METTL21C: variants seen among roughly 807,000 people sequenced by gnomAD.
METTL21C encodes methyltransferase 21C, AARS1 lysine.
METTL21C carries 21 observed loss-of-function variants against 25.9 expected under a neutral mutation model. The ratio of observed to expected loss-of-function variants is 0.81; its 90% CI spans 0.58 to 1.17. The LOEUF (loss-of-function observed/expected upper bound fraction) is 1.17. METTL21C is among the 50% of genes most tolerant of loss of function. The probability of loss-of-function intolerance (pLI) is 0.00; values close to 1 mark genes in which losing one functional copy is unlikely to be tolerated. For missense variants in METTL21C, 312 were observed against 315.1 expected (o/e 0.99, Z 0.07); for synonymous variants, 125 against 124.7 (o/e 1.00, Z -0.01).
rs145461880 is a variant in METTL21C, at chr13:102,686,326, A to G, written c.500T>C (p.Val167Ala). Residue 167 changes from valine to alanine, a missense_variant, in exon 4 of 4, where the codon GTG (valine) becomes GCG (alanine). Val to Ala is a moderately conservative substitution (Grantham distance 64). Coordinates refer to ENST00000267273, the MANE Select transcript of METTL21C (RefSeq NM_001010977.3). The part of the protein sequence containing the change: ...TLQCTAHLPE[V>A]KELVWGEDLD... ...GTCTTCCCCCCATACCAGTTCTTTC[A>G]CTTCAGGCAGATGTGCTGTACATTG... 58 of 1,614,182 alleles carry G rather than the reference A, an allele frequency of 3.6e-5. No homozygotes were observed. The African/African-American group carries it at 6.9e-4, about 19-fold the overall frequency.
At chr13:102,702,232 AAGAG>A in the METTL21C span, among the ~76,000 whole-genome samples, 10 of 149,344 alleles carry the variant, frequency 6.7e-5, no homozygotes, top group Admixed American at 2.6e-4. Flanking sequence ...GAGAGACAGA[AAGAG>A]AGAGAGAGAC....
chr13:102,691,046 G>A, intron 1 of METTL21C, 82 bp from the exon 2 acceptor site: 2 of 1,459,564 alleles, frequency 1.4e-6, no homozygotes, highest in Non-Finnish European at 1.9e-6. Flanking sequence ...TGCTAAGATG[G>A]CATTAGATTG....
At chr13:102,698,689 C>T (rs1479029182), upstream of METTL21C, among the ~76,000 whole-genome samples, 1 of 152,064 alleles carries the variant, frequency 6.6e-6, no homozygotes, top group Non-Finnish European at 1.5e-5. Context: ...CTTTAAAACC[C>T]CAACTCAGAA....
intron 2 of METTL21C, among the ~76,000 whole-genome samples, chr13:102,688,031 A>T (rs114586830): frequency 6.6e-6 from 1 of 152,228 alleles, no homozygotes; most frequent in African/African-American, 2.4e-5. Context: ...ACAAAAAGTT[A>T]CTTAAATTTG....
chr13:102,693,372 C>T lies in METTL21C; in HGVS notation c.130+997G>A, dbSNP rs148753060. Reference sequence around the variant, plus strand: ...AAATTCAGGTGCCAGTACAAGCCGTCGCCAGCACACCACTGGGTGGTGGCT... The same window carrying T: ...AAATTCAGGTGCCAGTACAAGCCGTTGCCAGCACACCACTGGGTGGTGGCT... On this transcript the variant is annotated intron_variant, in intron 1 of 3. Coordinates refer to ENST00000267273, the MANE Select transcript of METTL21C (RefSeq NM_001010977.3). Among the ~76,000 whole-genome samples the T allele has an allele frequency of 2.1e-3, 317 of 152,294 alleles. 4 individuals are homozygous for T. Among genetic ancestry groups the T allele is most frequent in the Middle Eastern group, 0.014 (4 of 294 alleles).
chr13:102,687,064 A>C lies in METTL21C; in HGVS notation c.283-7T>G, dbSNP rs892064651. On this transcript the variant is annotated splice_polypyrimidine_tract_variant and splice_region_variant and intron_variant, in intron 2 of 3. Coordinates refer to ENST00000267273, the MANE Select transcript of METTL21C (RefSeq NM_001010977.3). The stretch of plus-strand genomic sequence containing the variant: ...ATTGACACAAAGCCATAGCCTAAAA[A>C]ATAATTATAACTTTTCATGTGGGCA... 5.0e-6 allele frequency: 8 copies of C among 1,606,188 alleles called. No homozygotes were observed. Among genetic ancestry groups the C allele is most frequent in the Non-Finnish European group, 6.0e-6 (7 of 1,172,972 alleles).
At chr13:102,688,151 C>T (rs1481111972) in intron 2 of METTL21C, among the ~76,000 whole-genome samples, 2 of 152,252 alleles carry the variant, frequency 1.3e-5, no homozygotes, top group Non-Finnish European at 1.5e-5. Flanking sequence ...CCCCATCTTC[C>T]TCTGGACTCT....
At chr13:102,701,607 TTGTG>T in the METTL21C span, among the ~76,000 whole-genome samples, 4 of 150,410 alleles carry the variant, frequency 2.7e-5, no homozygotes, top group East Asian at 3.9e-4. Context: ...TCTAGCCTGA[TTGTG>T]TGTGTGTGTG....
At chr13:102,690,154 T>C (rs1283140612) in intron 2 of METTL21C, among the ~76,000 whole-genome samples, 16 of 152,102 alleles carry the variant, frequency 1.1e-4, no homozygotes, top group Non-Finnish European at 1.6e-4. Context: ...GGCGTGGTGG[T>C]TCACGCTTGT....
chr13:102,697,390 T>G (rs372059973), upstream of METTL21C, among the ~76,000 whole-genome samples: 2 of 152,068 alleles, frequency 1.3e-5, no homozygotes, highest in Admixed American at 6.5e-5. Context: ...CGGAGGATGC[T>G]GCAAAACCTC....
chr13:102,694,396 T>C lies in METTL21C; in HGVS notation c.103A>G (p.Lys35Glu), dbSNP rs751196028. 6.6e-7 allele frequency: 1 copy of C among 1,518,876 alleles called. No individual in the cohort carries two copies. The highest frequency in any genetic ancestry group is 8.8e-7 in the Non-Finnish European group (1 of 1,140,320). The allele number at this position is 1,518,876 out of a possible 1,614,324, so 94.1% of individuals were successfully genotyped here. ...TCTAGGACTCCCCCGGTGCTGTCTTTCTGCGGAGCCCCCTTCTTCTCAGCC... is the reference window on the plus strand; with the variant it reads ...TCTAGGACTCCCCCGGTGCTGTCTTCCTGCGGAGCCCCCTTCTTCTCAGCC... ...LEAEKKGAPQ[K>E]DSTGGVLEES... Residue 35 changes from lysine (K) to glutamate (E), a missense_variant, in exon 1 of 4, where the codon AAA becomes GAA. By Grantham distance (56) the Lys-to-Glu change is moderately conservative. Coordinates refer to ENST00000267273, the MANE Select transcript of METTL21C (RefSeq NM_001010977.3).
chr13:102,689,297 T>C (rs1885766596), intron 2 of METTL21C, among the ~76,000 whole-genome samples: 1 of 152,194 alleles, frequency 6.6e-6, no homozygotes, highest in African/African-American at 2.4e-5. Context: ...TGTGTTACAA[T>C]AGGAAGCTGT....
the METTL21C span, among the ~76,000 whole-genome samples, chr13:102,702,224 G>GAC: frequency 2.8e-5 from 4 of 143,930 alleles, no homozygotes; most frequent in African/African-American, 8.9e-5. Flanking sequence ...GAGAGAGAGA[G>GAC]AGACAGAAAG....
chr13:102,697,020 G>A (rs1885958576), upstream of METTL21C, among the ~76,000 whole-genome samples: 1 of 152,130 alleles, frequency 6.6e-6, no homozygotes, highest in African/African-American at 2.4e-5. Context: ...GGCTTCGGAG[G>A]GCACGCTGAT....
At chr13:102,686,844 G>A (rs641652) in intron 3 of METTL21C, 96 bp downstream of exon 3, 616,691 of 930,078 alleles carry the variant, frequency 0.66, 205,946 homozygotes, top group Middle Eastern at 0.69. Flanking sequence ...TGAAGTTAGG[G>A]CCAGGCACCT....
At chr13:102,687,911 A>G (rs1285032657) in intron 2 of METTL21C, among the ~76,000 whole-genome samples, 4 of 152,188 alleles carry the variant, frequency 2.6e-5, no homozygotes, top group African/African-American at 9.7e-5. Context: ...ACAAAGAGTA[A>G]AGGGTATTTG....
upstream of METTL21C, among the ~76,000 whole-genome samples, chr13:102,698,564 C>A (rs560324011): frequency 6.6e-6 from 1 of 152,174 alleles, no homozygotes; most frequent in South Asian, 2.1e-4. Context: ...TCTGAAGGAC[C>A]CCCCAAGAAG....
intron 3 of METTL21C, 45 bp from the exon 4 acceptor site, chr13:102,686,470 A>G: frequency 1.3e-6 from 2 of 1,569,222 alleles, no homozygotes; most frequent in East Asian, 2.2e-5. Context: ...CTGGGCAGTC[A>G]CAGTGTACAT....
chr13:102,689,098 T>TATTA (rs1218730887), intron 2 of METTL21C, among the ~76,000 whole-genome samples: 4 of 150,782 alleles, frequency 2.7e-5, no homozygotes, highest in Non-Finnish European at 4.4e-5. Flanking sequence ...TTTTTAAAAT[T>TATTA]ATTATTTTTA....
Sources: allele counts gnomAD v4.1 joint callset (sites outside exome capture counted in the v4.1 genomes callset), GRCh38; gene constraint gnomAD v4.1.1; transcripts MANE v1.5; gene names NCBI Gene and HGNC (gene_info 2026-07-23, HGNC 2026-07-21).